The following CRTC3 variants were observed in gnomAD, a reference collection of about 807,000 sequenced individuals.
The protein encoded by CRTC3 is CREB regulated transcription coactivator 3.
In CRTC3, 26 loss-of-function variants were observed where a neutral mutation model predicts 74.5. That is an observed-to-expected ratio of 0.35 (90% CI 0.26 to 0.48). CRTC3 has a LOEUF of 0.48. Ranked by LOEUF, CRTC3 falls within the 20% of genes least tolerant of loss-of-function variation. CRTC3 has a pLI of 0.99. For synonymous variants in CRTC3, 377 were observed against 325.8 expected (o/e 1.16, Z -1.69); for missense variants, 760 against 787.3 (o/e 0.97, Z 0.41).
At chr15:90,612,026 ACTCCTCCTC>A (rs59213374) in intron 6 of CRTC3, among the ~76,000 whole-genome samples, 10 of 51,244 alleles carry the variant, frequency 2.0e-4, no homozygotes, top group African/African-American at 6.7e-4. Context: ...ACCACCCCCC[ACTCCTCCTC>A]CTCCTCCTCC....
rs902527729 is a variant in CRTC3 at position 90,643,858 on chromosome 15, G to C, written c.*1718G>C. ...GAGACCCTGGAGTGTACTGAGGGTT[G>C]CTGGACTGTTCCACCCAGAGGAGCA... On this transcript the variant is annotated 3_prime_UTR_variant, in exon 15 of 15. Coordinates refer to ENST00000268184, the MANE Select transcript of CRTC3 (RefSeq NM_022769.5). 2 of 232,358 alleles carry C rather than the reference G, an allele frequency of 8.6e-6. No individual in the cohort carries two copies. Among genetic ancestry groups the C allele is most frequent in the African/African-American group, 4.4e-5 (2 of 45,248 alleles). 14.4% of individuals were successfully genotyped at this position (232,358 alleles called of 1,614,324 possible).
At chr15:90,639,108 C>T (rs1280396017) in intron 13 of CRTC3, among the ~76,000 whole-genome samples, 6 of 152,140 alleles carry the variant, frequency 3.9e-5, no homozygotes, top group African/African-American at 1.4e-4. Flanking sequence ...GACACAGCAC[C>T]TGCCTCCTCA....
chr15:90,566,587 A>T (rs1322395329), intron 2 of CRTC3, among the ~76,000 whole-genome samples: 1 of 151,782 alleles, frequency 6.6e-6, no homozygotes, highest in African/African-American at 2.4e-5. Flanking sequence ...CCAACTCCAT[A>T]ACATAAAAGT....
chr15:90,578,073 G>A (rs1477306698), intron 2 of CRTC3, among the ~76,000 whole-genome samples: 2 of 152,124 alleles, frequency 1.3e-5, no homozygotes, highest in African/African-American at 4.8e-5. Flanking sequence ...GCGCCACCAG[G>A]TCCAGCTAAT....
chr15:90,588,802 T>C (rs1385373543), intron 2 of CRTC3, among the ~76,000 whole-genome samples: 1 of 152,130 alleles, frequency 6.6e-6, no homozygotes, highest in African/African-American at 2.4e-5. Flanking sequence ...TTTGACAAGA[T>C]GCTTCCCAGG....
At chr15:90,607,357 C>G in intron 5 of CRTC3, 21 bp from the exon 6 acceptor site, 164 of 1,449,402 alleles carry the variant, frequency 1.1e-4, no homozygotes, top group Non-Finnish European at 1.4e-4. Context: ...TTTCAGCCAG[C>G]CTCTCTCCTC....
intron 2 of CRTC3, among the ~76,000 whole-genome samples, chr15:90,588,850 C>T (rs1354885946): frequency 6.6e-6 from 1 of 152,172 alleles, no homozygotes; most frequent in South Asian, 2.1e-4. Context: ...TTTCCAATGT[C>T]CGGGTATCCC....
chr15:90,533,136 G>A (rs1167521023), intron 1 of CRTC3, among the ~76,000 whole-genome samples: 8 of 136,642 alleles, frequency 5.9e-5, no homozygotes, highest in Admixed American at 1.6e-4. Context: ...GGGCGCGGTG[G>A]GTCACGCCTG....
intron 7 of CRTC3, among the ~76,000 whole-genome samples, chr15:90,615,298 G>T (rs1020290138): frequency 6.6e-6 from 1 of 152,148 alleles, no homozygotes; most frequent in Admixed American, 6.5e-5. Flanking sequence ...ACAAATGAGG[G>T]TCAGACACAG....
intron 9 of CRTC3, among the ~76,000 whole-genome samples, chr15:90,622,802 G>A (rs1332148842): frequency 6.7e-6 from 1 of 149,806 alleles, no homozygotes; most frequent in African/African-American, 2.6e-5. Flanking sequence ...AGTGAGCCAA[G>A]ATCGCACCAC....
intron 2 of CRTC3, among the ~76,000 whole-genome samples, chr15:90,584,786 T>C (rs543314746): frequency 6.6e-6 from 1 of 152,228 alleles, no homozygotes; most frequent in Admixed American, 6.5e-5. Flanking sequence ...CCCTATCTAG[T>C]GTCTCTACTA....
intron 2 of CRTC3, among the ~76,000 whole-genome samples, chr15:90,581,032 C>T (rs535502587): frequency 3.3e-5 from 5 of 152,302 alleles, no homozygotes; most frequent in African/African-American, 1.2e-4. Flanking sequence ...ACAGCTCAGC[C>T]TAAGGGAGAA....
chr15:90,545,605 C>T (rs1204152022), intron 2 of CRTC3, among the ~76,000 whole-genome samples: 1 of 151,088 alleles, frequency 6.6e-6, no homozygotes, highest in Non-Finnish European at 1.5e-5. Context: ...GAGATGGAGT[C>T]TCACTCTTTC....
At position 90,632,519 on chromosome 15, in the gene CRTC3, A is replaced by T. The variant is rs145176573; in HGVS notation, c.1266+2987A>T. ...TAGTTCTAAAGGGCTTGTTATAGAAAAACAGCTGTCTTTCCCTCTCGTTAG... is the reference window on the plus strand; with the variant it reads ...TAGTTCTAAAGGGCTTGTTATAGAATAACAGCTGTCTTTCCCTCTCGTTAG... On this transcript the variant is annotated intron_variant, in intron 11 of 14. Transcript: ENST00000268184. Among the ~76,000 whole-genome samples the T allele has an allele frequency of 7.9e-5, 12 of 152,350 alleles. No individual in the cohort carries two copies. In the East Asian group the frequency reaches 2.3e-3, roughly 29 times the overall value.
chr15:90,591,770 C>T (rs1159621800), intron 2 of CRTC3, among the ~76,000 whole-genome samples: 1 of 152,204 alleles, frequency 6.6e-6, no homozygotes, highest in Non-Finnish European at 1.5e-5. Flanking sequence ...GCACTCCAGC[C>T]TGGGCAACAG....
intron 2 of CRTC3, among the ~76,000 whole-genome samples, chr15:90,572,973 G>C (rs1967310772): frequency 6.6e-6 from 1 of 152,154 alleles, no homozygotes; most frequent in Admixed American, 6.5e-5. Context: ...TTAGTGTTAA[G>C]TATATTCACA....
Position 90,638,665 on chromosome 15 carries a change from G to A in CRTC3, c.1467+19G>A, listed in dbSNP as rs574659697. The A allele has an allele frequency of 1.6e-5, 26 of 1,613,444 alleles. No homozygotes were observed. Among genetic ancestry groups the A allele is most frequent in the South Asian group, 1.1e-4 (10 of 91,076 alleles). On this transcript the variant is annotated intron_variant, in intron 12 of 14. Transcript: ENST00000268184. ...GGCCCAGGTGAGTTCTGGCAGGAGC[G>A]TTGGTGCAGAGGGAATGCTTGTTTT...
chr15:90,557,464 A>G (rs561070646), intron 2 of CRTC3, among the ~76,000 whole-genome samples: 2 of 152,070 alleles, frequency 1.3e-5, no homozygotes, highest in Non-Finnish European at 2.9e-5. Context: ...TTCCTATCTC[A>G]GGGCCTGGCT....
intron 2 of CRTC3, among the ~76,000 whole-genome samples, chr15:90,549,541 C>G (rs1388419334): frequency 1.3e-5 from 2 of 151,866 alleles, no homozygotes; most frequent in Non-Finnish European, 2.9e-5. Flanking sequence ...TTTAGGAGGC[C>G]GAGGCGGGCA....
Sources: allele counts gnomAD v4.1 joint callset (sites outside exome capture counted in the v4.1 genomes callset), GRCh38; gene constraint gnomAD v4.1.1; transcripts MANE v1.5; gene names NCBI Gene and HGNC (gene_info 2026-07-23, HGNC 2026-07-21).